FAR2: variants seen among roughly 807,000 people sequenced by gnomAD.
FAR2 encodes the protein epididymis secretory protein Li 81.
In FAR2, 19 loss-of-function variants were observed where a neutral mutation model predicts 56.0. The ratio of observed to expected loss-of-function variants is 0.34; its 90% CI spans 0.24 to 0.50. The LOEUF is 0.50. FAR2 is among the 20% of genes least tolerant of loss of function. The probability of loss-of-function intolerance (pLI) is 0.98; values close to 1 mark genes in which losing one functional copy is unlikely to be tolerated. For synonymous variants in FAR2, 219 were observed against 218.8 expected, an observed-to-expected ratio of 1.00 and a Z score of -0.01; for missense variants, 508 against 642.2, an observed-to-expected ratio of 0.79 and a Z score of 2.26.
chr12:29,166,255 T>A (rs774283075), intron 1 of FAR2, among the ~76,000 whole-genome samples: 1 of 152,252 alleles, frequency 6.6e-6, no homozygotes, highest in Non-Finnish European at 1.5e-5. Context: ...CTTTTGTGTG[T>A]GTGTGTACAG....
intron 9 of FAR2, among the ~76,000 whole-genome samples, chr12:29,320,450 C>T (rs1442968364): frequency 6.6e-6 from 1 of 152,168 alleles, no homozygotes; most frequent in Non-Finnish European, 1.5e-5. Flanking sequence ...ATGTCTACCT[C>T]ATGCCTAAGA....
intron 11 of FAR2, 56 bp from the exon 12 acceptor site, chr12:29,333,576 T>C: frequency 2.7e-6 from 4 of 1,465,190 alleles, no homozygotes; most frequent in Non-Finnish European, 3.8e-6. Context: ...TATCTTCAGA[T>C]AATGTGGTTG....
At chr12:29,327,720 G>T (rs1169995869) in intron 10 of FAR2, among the ~76,000 whole-genome samples, 2 of 152,162 alleles carry the variant, frequency 1.3e-5, no homozygotes, top group Admixed American at 6.5e-5. Flanking sequence ...GCTGAAACTG[G>T]ATCCCTTCCT....
At chr12:29,192,308 A>G (rs1950109442) in intron 1 of FAR2, among the ~76,000 whole-genome samples, 3 of 152,232 alleles carry the variant, frequency 2.0e-5, no homozygotes, top group Non-Finnish European at 2.9e-5. Flanking sequence ...AAATGTGAAT[A>G]TTCTGAGTAA....
intron 1 of FAR2, among the ~76,000 whole-genome samples, chr12:29,176,528 G>A (rs1285907846): frequency 1.3e-5 from 2 of 152,136 alleles, no homozygotes; most frequent in African/African-American, 4.8e-5. Flanking sequence ...TGAGAAAATT[G>A]TTTATATTAA....
At chr12:29,307,514 C>T in intron 4 of FAR2, 144 bp from the exon 5 acceptor site, 1 of 754,492 alleles carries the variant, frequency 1.3e-6, no homozygotes, top group Non-Finnish European at 2.1e-6. Context: ...AGCAGGTACA[C>T]ACTCAAACTT....
chr12:29,218,005 G>GGAGGAGGAGGAGGAA (rs1230356290), intron 1 of FAR2, among the ~76,000 whole-genome samples: 2 of 151,872 alleles, frequency 1.3e-5, no homozygotes, highest in African/African-American at 4.8e-5. Context: ...AGGAGGAGGA[G>GGAGGAGGAGGAGGAA]GAAGAATAAA....
chr12:29,174,323 C>T (rs946714032), intron 1 of FAR2, among the ~76,000 whole-genome samples: 9 of 146,864 alleles, frequency 6.1e-5, no homozygotes, highest in East Asian at 2.0e-4. Context: ...TTGATGAGCC[C>T]GGGTGCCTAA....
At position 29,333,668 on chromosome 12, in the gene FAR2, C is replaced by T. The variant is rs1949762282; in HGVS notation, c.1422C>T (p.Leu474=). 1.9e-6 allele frequency: 3 copies of T among 1,613,776 alleles called. No individual in the cohort carries two copies. The highest frequency in any genetic ancestry group is 2.5e-6 in the Non-Finnish European group (3 of 1,179,784). Residue 474 remains leucine, a synonymous_variant, in exon 12 of 12, where the codon CTC becomes CTT. Transcript: ENST00000536681. ...RNIHYLFNTA[L]FLIAWRLLIA... is the part of the protein sequence containing the mutation. ...TTCACTACCTCTTTAATACTGCCCTCTTCCTTATCGCCTGGCGCCTTCTCA... is the reference window on the plus strand; with the variant it reads ...TTCACTACCTCTTTAATACTGCCCTTTTCCTTATCGCCTGGCGCCTTCTCA...
chr12:29,213,031 A>G lies in FAR2; in HGVS notation c.-38-57381A>G, dbSNP rs187276230. ...AGGTTTTGTTGTCTCTTATCTAAAA[A>G]TTACAATAGCATAATAATTGGTCTT... On this transcript the variant is annotated intron_variant, in intron 1 of 11. Transcript: ENST00000536681. Among the ~76,000 whole-genome samples, 224 of 152,266 alleles carry G rather than the reference A, an allele frequency of 1.5e-3. 1 individual carries two copies. In the South Asian group the frequency reaches 0.022, roughly 15 times the overall value.
At chr12:29,161,266 C>A (rs961442954) in intron 1 of FAR2, among the ~76,000 whole-genome samples, 1 of 152,200 alleles carries the variant, frequency 6.6e-6, no homozygotes, top group African/African-American at 2.4e-5. Flanking sequence ...ATAAGCTCCC[C>A]TCATACTCCT....
chr12:29,271,237 GAA>G (rs897590353), intron 2 of FAR2, among the ~76,000 whole-genome samples: 1 of 151,444 alleles, frequency 6.6e-6, no homozygotes, highest in Admixed American at 6.6e-5. Flanking sequence ...TCTCCTCTCG[GAA>G]AAAAAAGACA....
At chr12:29,300,874 AAAG>A (rs1336641778) in intron 4 of FAR2, among the ~76,000 whole-genome samples, 1 of 152,206 alleles carries the variant, frequency 6.6e-6, no homozygotes, top group African/African-American at 2.4e-5. Flanking sequence ...TCTGGGAAAT[AAAG>A]AAGGATATGC....
chr12:29,149,971 T>C (rs1230670580), intron 1 of FAR2, among the ~76,000 whole-genome samples: 1 of 152,150 alleles, frequency 6.6e-6, no homozygotes, highest in East Asian at 1.9e-4. Flanking sequence ...CGCACGTCCC[T>C]ACCCTCCCAC....
chr12:29,266,999 C>T (rs1948527486), intron 1 of FAR2, among the ~76,000 whole-genome samples: 1 of 152,116 alleles, frequency 6.6e-6, no homozygotes, highest in Non-Finnish European at 1.5e-5. Context: ...TCACCCTCTC[C>T]AAACTCAACT....
chr12:29,291,687 A>G (rs1207403556), intron 2 of FAR2, among the ~76,000 whole-genome samples: 1 of 152,240 alleles, frequency 6.6e-6, no homozygotes, highest in Non-Finnish European at 1.5e-5. Flanking sequence ...CTTTGTGGAC[A>G]GCGTTATGAA....
chr12:29,325,513 C>T (rs1189069346), intron 10 of FAR2, among the ~76,000 whole-genome samples: 3 of 152,148 alleles, frequency 2.0e-5, no homozygotes, highest in Non-Finnish European at 2.9e-5. Flanking sequence ...AAACACTCCT[C>T]AGCAAATGTA....
In FAR2 at chr12:29,249,247, A is replaced by G. The variant is rs754202801; in HGVS notation, c.-38-21165A>G. 2.2e-4 allele frequency among the ~76,000 whole-genome samples: 33 copies of G among 152,366 alleles called. No individual in the cohort carries two copies. In the Middle Eastern group the frequency reaches 0.01, roughly 47 times the overall value. The stretch of plus-strand genomic sequence containing the variant: ...TAATTTGGGCAACTAATAAATGTCC[A>G]TAAAATCTTCACAATCCACGTTCTT... On this transcript the variant is annotated intron_variant, in intron 1 of 11. Coordinates refer to ENST00000536681, the MANE Select transcript of FAR2 (RefSeq NM_001271783.2).
At chr12:29,249,066 T>C (rs1486192965) in intron 1 of FAR2, among the ~76,000 whole-genome samples, 1 of 152,164 alleles carries the variant, frequency 6.6e-6, no homozygotes, top group African/African-American at 2.4e-5. Flanking sequence ...AGATGACATA[T>C]ATCCTCCTCA....
Sources: allele counts gnomAD v4.1 joint callset (sites outside exome capture counted in the v4.1 genomes callset), GRCh38; gene constraint gnomAD v4.1.1; transcripts MANE v1.5; gene names NCBI Gene and HGNC (gene_info 2026-07-23, HGNC 2026-07-21).